NRG2: variants seen among roughly 807,000 people sequenced by gnomAD.
NRG2 encodes the protein pro-neuregulin-2, membrane-bound isoform.
Under a neutral mutation model 73.9 loss-of-function variants are expected in NRG2, and 27 were observed. The ratio of observed to expected loss-of-function variants is 0.37; its 90% CI spans 0.27 to 0.50. The LOEUF is 0.50. NRG2 is among the 20% of genes least tolerant of loss of function. The pLI, the probability that NRG2 is intolerant of heterozygous loss-of-function variation, is 0.96. For synonymous variants in NRG2, 532 were observed against 541.0 expected (o/e 0.98, Z 0.23); for missense variants, 1,126 against 1,210.1 (o/e 0.93, Z 1.03).
At chr5:139,901,262 G>A (rs975950969) in intron 1 of NRG2, among the ~76,000 whole-genome samples, 6 of 152,210 alleles carry the variant, frequency 3.9e-5, no homozygotes, top group Admixed American at 1.3e-4. Flanking sequence ...GAGCTCTCAG[G>A]ATGAAAGACT....
chr5:139,932,608 T>A (rs193082478), intron 1 of NRG2, among the ~76,000 whole-genome samples: 4 of 152,278 alleles, frequency 2.6e-5, no homozygotes, highest in Non-Finnish European at 5.9e-5. Context: ...TTTGGTTCAT[T>A]AAGTAGATTT....
chr5:140,018,076 C>T (rs1413192176), intron 1 of NRG2, among the ~76,000 whole-genome samples: 4 of 152,006 alleles, frequency 2.6e-5, no homozygotes, highest in Non-Finnish European at 4.4e-5. Context: ...CCAAGAAAAA[C>T]CTCAAAATCT....
intron 1 of NRG2, among the ~76,000 whole-genome samples, chr5:139,946,074 C>A (rs1753779782): frequency 6.6e-6 from 1 of 152,068 alleles, no homozygotes; most frequent in South Asian, 2.1e-4. Context: ...CCATCCCAAT[C>A]AAATTCCTGG....
At chr5:140,014,354 A>T (rs1271074240) in intron 1 of NRG2, among the ~76,000 whole-genome samples, 1 of 152,012 alleles carries the variant, frequency 6.6e-6, no homozygotes, top group African/African-American at 2.4e-5. Flanking sequence ...CTCGTGCCTC[A>T]GTCTCTCAAG....
intron 1 of NRG2, among the ~76,000 whole-genome samples, chr5:139,938,908 A>G (rs200456480): frequency 5.6e-4 from 39 of 69,070 alleles, no homozygotes; most frequent in South Asian, 2.2e-3. Context: ...AAGAAAGAAA[A>G]GAAAGAAAGA....
intron 2 of NRG2, among the ~76,000 whole-genome samples, chr5:139,881,825 C>T (rs1763545143): frequency 6.6e-6 from 1 of 152,232 alleles, no homozygotes; most frequent in Non-Finnish European, 1.5e-5. Context: ...ATGCTGAGAA[C>T]TGTGTAGGGC....
At chr5:140,014,578 A>G (rs542410158) in intron 1 of NRG2, among the ~76,000 whole-genome samples, 1 of 151,876 alleles carries the variant, frequency 6.6e-6, no homozygotes, top group South Asian at 2.1e-4. Context: ...CTCACTCTAT[A>G]TTTTATCTAT....
intron 1 of NRG2, among the ~76,000 whole-genome samples, chr5:140,003,974 C>A (rs1490372088): frequency 1.3e-5 from 2 of 152,140 alleles, no homozygotes; most frequent in Non-Finnish European, 2.9e-5. Context: ...TTATCTCTTG[C>A]CTAGTTGTTT....
chr5:139,854,520 T>A (rs1474346278), intron 6 of NRG2, among the ~76,000 whole-genome samples: 16 of 152,230 alleles, frequency 1.1e-4, no homozygotes, highest in Admixed American at 1.0e-3. Context: ...GCTTGCTTTT[T>A]CTCCAATTCT....
chr5:139,857,664 C>G (rs1182403468), intron 5 of NRG2, among the ~76,000 whole-genome samples: 4 of 151,994 alleles, frequency 2.6e-5, no homozygotes. Flanking sequence ...GTGTTGGGCA[C>G]CAGACTCATG....
chr5:139,962,823 C>T (rs894166523), intron 1 of NRG2, among the ~76,000 whole-genome samples: 1 of 152,188 alleles, frequency 6.6e-6, no homozygotes, highest in African/African-American at 2.4e-5. Context: ...TGGAGGGGTC[C>T]TCAAGAGGTT....
At chr5:139,912,590 C>A (rs1486290867) in intron 1 of NRG2, among the ~76,000 whole-genome samples, 2 of 152,170 alleles carry the variant, frequency 1.3e-5, no homozygotes, top group Non-Finnish European at 2.9e-5. Flanking sequence ...TCTTTCTCCT[C>A]AGAGCACCCA....
At chr5:140,024,734 A>G (rs1760542097) in intron 1 of NRG2, among the ~76,000 whole-genome samples, 2 of 152,148 alleles carry the variant, frequency 1.3e-5, no homozygotes, top group Non-Finnish European at 1.5e-5. Context: ...CAATTATCAC[A>G]ATCACAGACT....
chr5:139,885,315 G>T (rs1763792769), intron 2 of NRG2, among the ~76,000 whole-genome samples: 1 of 152,228 alleles, frequency 6.6e-6, no homozygotes, highest in African/African-American at 2.4e-5. Flanking sequence ...AGACTAGGAG[G>T]AGCACCACAG....
intron 1 of NRG2, among the ~76,000 whole-genome samples, chr5:139,892,067 C>T (rs1764246035): frequency 6.6e-6 from 1 of 152,212 alleles, no homozygotes; most frequent in Non-Finnish European, 1.5e-5. Context: ...TCTTTGCTCA[C>T]AGGCAATCCT....
At position 139,865,672 on chromosome 5, in the gene NRG2, C is replaced by G; in HGVS notation, c.1113-47G>C. 6.6e-7 allele frequency: 1 copy of G among 1,513,202 alleles called. No individual in the cohort carries two copies. The highest frequency in any genetic ancestry group is 1.2e-5 in the South Asian group (1 of 86,062). 93.7% of individuals were successfully genotyped at this position (1,513,202 alleles called of 1,614,324 possible). A position where few individuals can be genotyped will look rare whatever the true frequency, so the allele number is the denominator to read the frequency against. On this transcript the variant is annotated intron_variant, in intron 4 of 9. Coordinates refer to ENST00000361474, the MANE Select transcript of NRG2 (RefSeq NM_004883.3). This position sits in a 1 kb window ranked among gnomAD's most constrained non-coding sequence, Gnocchi z 5.2. ...AATCACAGAACAAACTGGCATCATC[C>G]GCGAGGCTAAGGTTAGAAATCAAAG...
intron 1 of NRG2, among the ~76,000 whole-genome samples, chr5:139,891,418 T>C (rs1581878618): frequency 6.6e-6 from 1 of 152,184 alleles, no homozygotes; most frequent in Non-Finnish European, 1.5e-5. Flanking sequence ...AGTGAGAACC[T>C]TGTGTGACTC....
intron 1 of NRG2, among the ~76,000 whole-genome samples, chr5:139,893,284 CTAA>C (rs1764337631): frequency 6.6e-6 from 1 of 152,152 alleles, no homozygotes; most frequent in Non-Finnish European, 1.5e-5. Context: ...CAACGTTCTG[CTAA>C]TAATAACAAT....
At position 139,865,908 on chromosome 5, in the gene NRG2, C is replaced by G. The variant is rs1762443888; in HGVS notation, c.1113-283G>C. Among the ~76,000 whole-genome samples, 1 of 152,276 alleles carries G rather than the reference C, an allele frequency of 6.6e-6. No individual in the cohort carries two copies. The highest frequency in any genetic ancestry group is 2.4e-5 in the African/African-American group (1 of 41,558). ...TGAGGGAAGATGGGAAATTGTCCTA[C>G]TGGTCATTGAGACTTTCCTTCTTAC... On this transcript the variant is annotated intron_variant, in intron 4 of 9. Transcript: ENST00000361474. This position sits in a 1 kb window ranked among gnomAD's most constrained non-coding sequence, Gnocchi z 5.2.
Sources: gnomAD v4.1 joint callset for allele counts (sites outside exome capture counted in the v4.1 genomes callset) on GRCh38, gnomAD v4.1.1 for gene constraint, Gnocchi (gnomAD v3.1) non-coding constraint, MANE v1.5 for transcripts, NCBI Gene and HGNC (gene_info 2026-07-23, HGNC 2026-07-21) for gene names.